The following HECW2 variants were observed in gnomAD, a reference collection of about 807,000 sequenced individuals.
HECW2 encodes the protein E3 ubiquitin-protein ligase HECW2.
Under a neutral mutation model 175.2 loss-of-function variants are expected in HECW2, and 61 were observed. The observed-to-expected ratio is 0.35, with a 90% CI of 0.28 to 0.43. HECW2 has a LOEUF of 0.43. Ranked by LOEUF, HECW2 falls within the 20% of genes least tolerant of loss-of-function variation. HECW2 has a pLI of 1.00. For synonymous variants in HECW2, 671 were observed against 731.0 expected, an observed-to-expected ratio of 0.92 and a Z score of 1.32; for missense variants, 1,524 against 2,000.5, an observed-to-expected ratio of 0.76 and a Z score of 4.54.
chr2:196,323,981 A>C (rs915291631), intron 6 of HECW2, among the ~76,000 whole-genome samples: 6 of 147,970 alleles, frequency 4.1e-5, no homozygotes, highest in Admixed American at 3.4e-4. Flanking sequence ...AAGTGTAAGA[A>C]TACAAGCAAT....
chr2:196,499,929 G>C (rs1196382993), intron 1 of HECW2, among the ~76,000 whole-genome samples: 1 of 151,974 alleles, frequency 6.6e-6, no homozygotes, highest in Non-Finnish European at 1.5e-5. Flanking sequence ...AAAGAGACAT[G>C]ACTTTGTTAC....
At chr2:196,237,100 C>T (rs1194556138) in intron 21 of HECW2, among the ~76,000 whole-genome samples, 2 of 152,172 alleles carry the variant, frequency 1.3e-5, no homozygotes, top group Non-Finnish European at 2.9e-5. Context: ...TACCCCAGAC[C>T]TACAGCAGTT....
chr2:196,261,689 T>C (rs1197368285), intron 17 of HECW2, among the ~76,000 whole-genome samples: 2 of 152,264 alleles, frequency 1.3e-5, no homozygotes, highest in Non-Finnish European at 2.9e-5. Flanking sequence ...ATAGCATTAA[T>C]TCAAATGTTA....
chr2:196,313,299 A>T (rs1015249169), intron 10 of HECW2, among the ~76,000 whole-genome samples: 3 of 152,216 alleles, frequency 2.0e-5, no homozygotes, highest in Admixed American at 1.3e-4. Flanking sequence ...CACCGATAAT[A>T]TTTTAGAGGG....
At chr2:196,558,225 C>T (rs1689874516) in intron 1 of HECW2, among the ~76,000 whole-genome samples, 1 of 152,126 alleles carries the variant, frequency 6.6e-6, no homozygotes, top group Admixed American at 6.6e-5. Flanking sequence ...ACTTCAATAC[C>T]TAAAATCAGA....
intron 1 of HECW2, among the ~76,000 whole-genome samples, chr2:196,517,393 A>T (rs1374205139): frequency 3.9e-5 from 6 of 152,234 alleles, no homozygotes; most frequent in Non-Finnish European, 8.8e-5. Context: ...CCATGGTCAC[A>T]GGTTCCTAAA....
intron 14 of HECW2, chr2:196,290,095 A>G (rs1387125494): frequency 6.6e-6 from 1 of 152,238 alleles, no homozygotes; most frequent in Non-Finnish European, 1.5e-5. Flanking sequence ...CTTTCACCCC[A>G]AACAGGATTC....
chr2:196,201,539 T>C, intron 28 of HECW2, 151 bp from the exon 29 acceptor site: 1 of 526,138 alleles, frequency 1.9e-6, no homozygotes, highest in Non-Finnish European at 3.4e-6. Flanking sequence ...TTTTGAAAAA[T>C]CTTTGAAAAC....
At chr2:196,362,380 C>G (rs979005483) in intron 2 of HECW2, among the ~76,000 whole-genome samples, 9 of 127,906 alleles carry the variant, frequency 7.0e-5, no homozygotes, top group South Asian at 2.5e-4. Flanking sequence ...CACACACACA[C>G]AGAGTGGGCT....
chr2:196,294,192 A>G (rs1309420647), intron 13 of HECW2, among the ~76,000 whole-genome samples: 1 of 152,226 alleles, frequency 6.6e-6, no homozygotes, highest in Non-Finnish European at 1.5e-5. Flanking sequence ...CAAACTGACT[A>G]TGTCATGATT....
chr2:196,574,135 A>AAG (rs57022868), intron 1 of HECW2, among the ~76,000 whole-genome samples: 7,245 of 152,208 alleles, frequency 0.048, 563 homozygotes, highest in African/African-American at 0.16. Context: ...TAGCGACAAA[A>AAG]AACAAAATAC....
intron 28 of HECW2, among the ~76,000 whole-genome samples, chr2:196,204,492 G>T (rs1223696012): frequency 6.6e-6 from 1 of 152,160 alleles, no homozygotes; most frequent in Non-Finnish European, 1.5e-5. Flanking sequence ...ATAGCTGCAA[G>T]GAATGAATGC....
intron 28 of HECW2, among the ~76,000 whole-genome samples, chr2:196,210,949 AGTT>A (rs1038451654): frequency 1.4e-5 from 2 of 145,808 alleles, no homozygotes; most frequent in Admixed American, 7.2e-5. Context: ...AAAAACAAAA[AGTT>A]GTTATGTTTT....
chr2:196,413,416 G>A (rs1229487713), intron 2 of HECW2, among the ~76,000 whole-genome samples: 1 of 152,074 alleles, frequency 6.6e-6, no homozygotes, highest in East Asian at 1.9e-4. Flanking sequence ...TTCAATCTTG[G>A]TTCACTGCAA....
chr2:196,363,929 T>C (rs1693673378), intron 2 of HECW2, among the ~76,000 whole-genome samples: 1 of 152,224 alleles, frequency 6.6e-6, no homozygotes, highest in Non-Finnish European at 1.5e-5. Context: ...GGACAACAAA[T>C]AGACTTCTTA....
chr2:196,390,709 C>G (rs774286958), intron 2 of HECW2, among the ~76,000 whole-genome samples: 1 of 152,106 alleles, frequency 6.6e-6, no homozygotes, highest in East Asian at 1.9e-4. Context: ...CCTGTTGGGT[C>G]CAAGGCATTC....
chr2:196,308,899 T>C (rs1249479182), intron 10 of HECW2, among the ~76,000 whole-genome samples: 2 of 152,212 alleles, frequency 1.3e-5, no homozygotes, highest in African/African-American at 2.4e-5. Flanking sequence ...TTATTACAAG[T>C]GTGAAGGGTA....
chr2:196,491,072 T>C (rs1559140650), intron 1 of HECW2, among the ~76,000 whole-genome samples: 1 of 151,994 alleles, frequency 6.6e-6, no homozygotes, highest in Non-Finnish European at 1.5e-5. Context: ...AACTACCAAA[T>C]CACGCACTCA....
chr2:196,438,207 C>G (rs1475900331), intron 1 of HECW2, among the ~76,000 whole-genome samples: 1 of 152,124 alleles, frequency 6.6e-6, no homozygotes, highest in Admixed American at 6.5e-5. Flanking sequence ...CTAGGACGAA[C>G]AAAAGCTGGA....
Sources: gnomAD v4.1 joint callset for allele counts (sites outside exome capture counted in the v4.1 genomes callset) on GRCh38, gnomAD v4.1.1 for gene constraint, MANE v1.5 for transcripts, NCBI Gene and HGNC (gene_info 2026-07-23, HGNC 2026-07-21) for gene names.